Variants in COPG1 observed in about 807,000 individuals in gnomAD.
COPG1 encodes coatomer subunit gamma-1.
A neutral mutation model predicts 102.8 loss-of-function variants in COPG1; 29 were observed. That is an observed-to-expected ratio of 0.28 (90% CI 0.21 to 0.38). The LOEUF (loss-of-function observed/expected upper bound fraction) is 0.38, where lower values mean the gene tolerates loss of function less well. Ranked by LOEUF, COPG1 falls within the 10% of genes least tolerant of loss-of-function variation. The pLI, the probability that COPG1 is intolerant of heterozygous loss-of-function variation, is 1.00. For missense variants in COPG1, 875 were observed against 1,132.7 expected (o/e 0.77, Z 3.27); for synonymous variants, 406 against 421.6 (o/e 0.96, Z 0.45).
chr3:129,263,629 A>G (rs1939992280), intron 12 of COPG1, among the ~76,000 whole-genome samples: 1 of 152,064 alleles, frequency 6.6e-6, no homozygotes, highest in Non-Finnish European at 1.5e-5. Context: ...GGTGGAGGGG[A>G]CTCGGAGACT....
chr3:129,270,035 G>A (rs1940154867), intron 18 of COPG1, among the ~76,000 whole-genome samples: 2 of 142,560 alleles, frequency 1.4e-5, no homozygotes, highest in South Asian at 4.7e-4. Context: ...GATTTGAAGA[G>A]GCCACACTCC....
rs1197903605 is a variant in COPG1, at chr3:129,277,531, A to C, written c.*107A>C. The C allele has an allele frequency of 7.3e-6, 9 of 1,225,546 alleles. No homozygotes were observed. Among genetic ancestry groups the C allele is most frequent in the Non-Finnish European group, 1.0e-5 (9 of 882,228 alleles). The allele number at this position is 1,225,546 out of a possible 1,614,324, so 75.9% of individuals were successfully genotyped here. On this transcript the variant is annotated 3_prime_UTR_variant, in exon 24 of 24. Transcript: ENST00000314797. Reference sequence around the variant, plus strand: ...CCTTCCCAAGCTTCTGTATTGAAAAACAATTAGGAATCATTGCAGATTTTT... The same window carrying C: ...CCTTCCCAAGCTTCTGTATTGAAAACCAATTAGGAATCATTGCAGATTTTT...
At position 129,249,613 on chromosome 3, in the gene COPG1, GC is replaced by G. The variant is rs1038691099; in HGVS notation, c.-94del. 16 of 1,405,610 alleles carry G rather than the reference GC, an allele frequency of 1.1e-5. No homozygotes were observed. In the African/African-American group the frequency reaches 1.7e-4, roughly 15 times the overall value. The allele number at this position is 1,405,610 out of a possible 1,614,324, so 87.1% of individuals were successfully genotyped here. ...GCGCTGGGCGACGTGGCCAGTCGGGGCCCGGAAGTGGTCCCTGTAGAACCAC... is the reference window on the plus strand; with the variant it reads ...GCGCTGGGCGACGTGGCCAGTCGGGGCCGGAAGTGGTCCCTGTAGAACCAC... On this transcript the variant is annotated 5_prime_UTR_variant, in exon 1 of 24. Coordinates refer to ENST00000314797, the MANE Select transcript of COPG1 (RefSeq NM_016128.4).
rs1413667110 is a variant in COPG1 at position 129,249,692 on chromosome 3, C to T, written c.-18C>T. On this transcript the variant is annotated 5_prime_UTR_variant, in exon 1 of 24. Coordinates refer to ENST00000314797, the MANE Select transcript of COPG1 (RefSeq NM_016128.4). ...CGTCGAGCATTGCGTTGCTGCATTG[C>T]GCCCCACCGACTCCACTATGTTGAA... 3.2e-6 allele frequency: 5 copies of T among 1,550,990 alleles called. No homozygotes were observed. The highest frequency in any genetic ancestry group is 4.4e-6 in the Non-Finnish European group (5 of 1,146,824).
intron 2 of COPG1, among the ~76,000 whole-genome samples, chr3:129,251,670 G>T (rs1338367677): frequency 6.6e-6 from 1 of 150,634 alleles, no homozygotes; most frequent in Non-Finnish European, 1.5e-5. Context: ...ATAAGCGTGA[G>T]CCACCGCGCC....
intron 15 of COPG1, among the ~76,000 whole-genome samples, chr3:129,267,612 T>C (rs1012743581): frequency 6.6e-6 from 1 of 151,906 alleles, no homozygotes; most frequent in Non-Finnish European, 1.5e-5. Context: ...AGAGCGAGAC[T>C]CCAGCTCAAA....
chr3:129,260,219 G>A (rs990785091), intron 10 of COPG1, 114 bp from the exon 11 acceptor site: 13 of 908,632 alleles, frequency 1.4e-5, no homozygotes, highest in African/African-American at 3.3e-5. Flanking sequence ...TGGGATGGGG[G>A]TGTCAGCAGG....
At chr3:129,268,798 C>T in intron 17 of COPG1, 134 bp from the exon 18 acceptor site, 1 of 1,092,808 alleles carries the variant, frequency 9.2e-7, no homozygotes, top group Non-Finnish European at 1.4e-6. Context: ...GACGTGGGCT[C>T]TCTCACATGT....
At position 129,257,460 on chromosome 3, in the gene COPG1, T is replaced by G; in HGVS notation, c.580-10T>G. The G allele has an allele frequency of 6.2e-7, 1 of 1,614,130 alleles. No individual in the cohort carries two copies. Among genetic ancestry groups the G allele is most frequent in the Non-Finnish European group, 8.5e-7 (1 of 1,179,942 alleles). ...ACATTTGTACTCTGTTGCTGTCTCC[T>G]GTCCTATAGTACCACGCACTAGGGC... On this transcript the variant is annotated splice_polypyrimidine_tract_variant and intron_variant, in intron 8 of 23. Transcript: ENST00000314797.
intron 5 of COPG1, chr3:129,254,217 T>C (rs79655107): frequency 0.11 from 16,993 of 153,054 alleles, 2,644 homozygotes; most frequent in African/African-American, 0.35. Context: ...GAGCTTGAGC[T>C]CGGGATGTAG....
At chr3:129,261,136 A>G (rs1026090655) in intron 12 of COPG1, among the ~76,000 whole-genome samples, 3 of 152,244 alleles carry the variant, frequency 2.0e-5, no homozygotes, top group African/African-American at 7.2e-5. Flanking sequence ...AGCAGTGAAC[A>G]AAGCAGGTGA....
chr3:129,272,752 G>T (rs931268225), intron 20 of COPG1, 55 bp from the exon 21 acceptor site: 27 of 1,155,732 alleles, frequency 2.3e-5, no homozygotes, highest in Middle Eastern at 2.1e-4. Context: ...TGCAGGAGGA[G>T]CCCATCCCCT....
intron 2 of COPG1, 183 bp downstream of exon 2, chr3:129,250,917 T>A: frequency 5.9e-6 from 2 of 340,416 alleles, no homozygotes; most frequent in Non-Finnish European, 4.9e-6. Flanking sequence ...TACTTCTTTT[T>A]TTTTTTTTTT....
chr3:129,268,398 T>G, intron 16 of COPG1, 97 bp from the exon 17 acceptor site: 2 of 1,283,266 alleles, frequency 1.6e-6, no homozygotes, highest in East Asian at 4.7e-5. Context: ...TCATACTACT[T>G]AGGACTTGTA....
intron 12 of COPG1, among the ~76,000 whole-genome samples, chr3:129,263,014 CAAAAAAAAAAAAA>C (rs1299713396): frequency 3.7e-5 from 2 of 54,308 alleles, no homozygotes; most frequent in Non-Finnish European, 3.5e-5. Context: ...GACTCCGTCT[CAAAAAAAAAAAAA>C]AAAAAAAAGA....
Position 129,256,174 on chromosome 3 carries a change from G to A in COPG1, c.579+20G>A. 1 of 1,609,416 alleles carries A rather than the reference G, an allele frequency of 6.2e-7. No individual in the cohort carries two copies. The highest frequency in any genetic ancestry group is 8.5e-7 in the Non-Finnish European group (1 of 1,176,096). On this transcript the variant is annotated intron_variant, in intron 8 of 23. Transcript: ENST00000314797. ...GTCCAGGTGAGATGTGAGCAAGGGA[G>A]TGATATTTAAAACACTCAGGCAGGT...
At chr3:129,272,152 C>A (rs1365160286) in intron 19 of COPG1, 92 bp from the exon 20 acceptor site, 2 of 1,253,798 alleles carry the variant, frequency 1.6e-6, no homozygotes, top group African/African-American at 1.5e-5. Context: ...TCACCTTGGT[C>A]AATAGGAAAG....
chr3:129,263,457 A>G (rs560799563), intron 12 of COPG1, among the ~76,000 whole-genome samples: 2 of 152,286 alleles, frequency 1.3e-5, no homozygotes, highest in South Asian at 4.1e-4. Context: ...AGAGGCGGTT[A>G]AAGCCATGGG....
At position 129,260,231 on chromosome 3, in the gene COPG1, A is replaced by T. The variant is rs1939898692; in HGVS notation, c.872-102A>T. 8 of 1,057,994 alleles carry T rather than the reference A, an allele frequency of 7.6e-6. No homozygotes were observed. In the East Asian group the frequency reaches 1.9e-4, roughly 25 times the overall value. 65.5% of individuals were successfully genotyped at this position (1,057,994 alleles called of 1,614,324 possible). ...GGTTGGGATGGGGGTGTCAGCAGGG[A>T]AATGAGCTGAGCAGAGGGTTTGAGT... On this transcript the variant is annotated intron_variant, in intron 10 of 23. Transcript: ENST00000314797.
Sources: gnomAD v4.1 joint callset for allele counts (sites outside exome capture counted in the v4.1 genomes callset) on GRCh38, gnomAD v4.1.1 for gene constraint, MANE v1.5 for transcripts, NCBI Gene and HGNC (gene_info 2026-07-23, HGNC 2026-07-21) for gene names.